Variants in IL15 observed in about 807,000 individuals in gnomAD.
IL15 encodes interleukin-15.
IL15 carries 11 observed loss-of-function variants against 19.6 expected under a neutral mutation model. That is an observed-to-expected ratio of 0.56 (90% CI 0.35 to 0.93). IL15 has a LOEUF of 0.93. Among genes scored for constraint, IL15 ranks in the 40% least tolerant of loss-of-function variants. IL15 has a pLI of 0.01. For missense variants in IL15, 197 were observed against 186.5 expected (o/e 1.06, Z -0.33); for synonymous variants, 58 against 59.6 (o/e 0.97, Z 0.12).
chr4:141,726,010 C>T (rs908711363), intron 5 of IL15, among the ~76,000 whole-genome samples: 1 of 152,026 alleles, frequency 6.6e-6, no homozygotes, highest in Non-Finnish European at 1.5e-5. Context: ...GGTCTCTCTT[C>T]CTCTTCTTAT....
chr4:141,716,294 G>A (rs75711112), intron 2 of IL15: 4,298 of 152,306 alleles, frequency 0.028, 209 homozygotes, highest in African/African-American at 0.098. Context: ...AATGGTTTCG[G>A]GTGCCAGGCC....
intron 3 of IL15, among the ~76,000 whole-genome samples, chr4:141,720,116 G>A (rs940864055): frequency 2.0e-5 from 3 of 151,746 alleles, no homozygotes; most frequent in Non-Finnish European, 4.4e-5. Flanking sequence ...AAAATATTTT[G>A]ACCTATTAAA....
intron 2 of IL15, among the ~76,000 whole-genome samples, chr4:141,657,643 T>G (rs1485703212): frequency 6.6e-6 from 1 of 152,042 alleles, no homozygotes; most frequent in African/African-American, 2.4e-5. Flanking sequence ...AACTCACACA[T>G]TAGCCTAGGT....
chr4:141,696,933 T>A (rs1323540374), intron 2 of IL15, among the ~76,000 whole-genome samples: 1 of 152,302 alleles, frequency 6.6e-6, no homozygotes, highest in Non-Finnish European at 1.5e-5. Context: ...GTACATAGTT[T>A]GCAAATATTT....
At chr4:141,670,214 T>A (rs2152166853) in intron 2 of IL15, among the ~76,000 whole-genome samples, 1 of 152,186 alleles carries the variant, frequency 6.6e-6, no homozygotes, top group East Asian at 1.9e-4. Context: ...AATGTTTGGC[T>A]TACTGGATGT....
chr4:141,663,859 A>G (rs1209964985), intron 2 of IL15, among the ~76,000 whole-genome samples: 1 of 152,212 alleles, frequency 6.6e-6, no homozygotes, highest in Non-Finnish European at 1.5e-5. Context: ...GGCTAGGGGA[A>G]GAATGAGGCT....
At chr4:141,652,789 T>A (rs1727454052) in intron 1 of IL15, among the ~76,000 whole-genome samples, 1 of 152,192 alleles carries the variant, frequency 6.6e-6, no homozygotes. Context: ...CCTAGATTTT[T>A]AAATTTAATT....
intron 2 of IL15, among the ~76,000 whole-genome samples, chr4:141,676,452 G>A (rs774717296): frequency 6.6e-6 from 1 of 152,146 alleles, no homozygotes; most frequent in Non-Finnish European, 1.5e-5. Flanking sequence ...AGGTGTCTAA[G>A]TTGTCTACTT....
chr4:141,667,306 G>A (rs1728023741), intron 2 of IL15, among the ~76,000 whole-genome samples: 1 of 152,190 alleles, frequency 6.6e-6, no homozygotes. Flanking sequence ...TAGAAGCCCA[G>A]GCAAAATAAC....
intron 2 of IL15, chr4:141,704,722 A>C (rs1186861478): frequency 5.5e-6 from 1 of 183,280 alleles, no homozygotes; most frequent in African/African-American, 2.4e-5. Flanking sequence ...ATAAATAATA[A>C]TTTATATTAA....
chr4:141,729,920 C>A lies in IL15; in HGVS notation c.314C>A (p.Ala105Glu). 6.3e-7 allele frequency: 1 copy of A among 1,590,640 alleles called. No individual in the cohort carries two copies. The highest frequency in any genetic ancestry group is 8.6e-7 in the Non-Finnish European group (1 of 1,158,816). The change falls in exon 7 of 8, where the codon GCA (alanine) becomes GAA (glutamate). Residue 105 changes from alanine (A) to glutamate (E), a missense_variant. Transcript: ENST00000320650. ...GTTATTTCACTTGAGTCCGGAGATG[C>A]AAGTATTCATGATACAGTAGAAAAT... is the stretch of plus-strand genomic sequence containing the variant. Reference protein sequence around the residue: ...LQVISLESGDASIHDTVENLI... With the variant: ...LQVISLESGDESIHDTVENLI...
chr4:141,722,153 A>C (rs1050879582), intron 5 of IL15, 145 bp downstream of exon 5: 12 of 1,151,426 alleles, frequency 1.0e-5, no homozygotes, highest in Non-Finnish European at 1.2e-5. Context: ...GCTCAAAAAG[A>C]AGTCTTTTCC....
chr4:141,709,069 A>G (rs1729623441), intron 2 of IL15, among the ~76,000 whole-genome samples: 1 of 140,804 alleles, frequency 7.1e-6, no homozygotes, highest in East Asian at 2.0e-4. Context: ...AATATTATTC[A>G]ATATTGAAAA....
At chr4:141,694,511 G>A (rs1247262697) in intron 2 of IL15, among the ~76,000 whole-genome samples, 1 of 152,170 alleles carries the variant, frequency 6.6e-6, no homozygotes, top group East Asian at 1.9e-4. Context: ...AGGCAGTGCT[G>A]TTGAATCTGG....
chr4:141,714,218 C>T (rs1729799257), intron 2 of IL15, among the ~76,000 whole-genome samples: 1 of 152,018 alleles, frequency 6.6e-6, no homozygotes, highest in Non-Finnish European at 1.5e-5. Flanking sequence ...CCAGCCCCAT[C>T]CCCCTTATAA....
intron 1 of IL15, among the ~76,000 whole-genome samples, chr4:141,648,412 T>C (rs1435606099): frequency 3.9e-5 from 6 of 152,086 alleles, no homozygotes; most frequent in Non-Finnish European, 8.8e-5. Context: ...CACATCTTAT[T>C]CTCTAAATTC....
chr4:141,732,636 G>GA (rs1261859721), intron 7 of IL15, 102 bp from the exon 8 acceptor site: 7 of 1,454,850 alleles, frequency 4.8e-6, no homozygotes, highest in Non-Finnish European at 5.5e-6. Flanking sequence ...CATATCTCAA[G>GA]ACCTCACCAT....
At chr4:141,679,397 T>C (rs1489273928) in intron 2 of IL15, among the ~76,000 whole-genome samples, 2 of 152,224 alleles carry the variant, frequency 1.3e-5, no homozygotes, top group Non-Finnish European at 2.9e-5. Flanking sequence ...TATGTGTAAA[T>C]ATTATAGTAA....
chr4:141,683,571 T>TAAAA (rs566487149), intron 2 of IL15, among the ~76,000 whole-genome samples: 2 of 120,910 alleles, frequency 1.7e-5, no homozygotes, highest in African/African-American at 6.1e-5. Flanking sequence ...ATTCCGTCTC[T>TAAAA]AAAAAAAAAA....
Sources: allele counts gnomAD v4.1 joint callset (sites outside exome capture counted in the v4.1 genomes callset), GRCh38; gene constraint gnomAD v4.1.1; transcripts MANE v1.5; gene names NCBI Gene and HGNC (gene_info 2026-07-23, HGNC 2026-07-21).